The following GPR55 variants were observed in gnomAD, a reference collection of about 807,000 sequenced individuals.
The protein encoded by GPR55 is G-protein coupled receptor 55.
A neutral mutation model predicts 7.9 loss-of-function variants in GPR55; 6 were observed. The ratio of observed to expected loss-of-function variants is 0.76; its 90% CI spans 0.41 to 1.49. GPR55 has a LOEUF of 1.49. Ranked by LOEUF, GPR55 falls within the 40% of genes most tolerant of loss-of-function variation. The probability of loss-of-function intolerance (pLI) is 0.01; values close to 1 mark genes in which losing one functional copy is unlikely to be tolerated. For missense variants in GPR55, 376 were observed against 406.0 expected (o/e 0.93, Z 0.63); for synonymous variants, 183 against 166.8 (o/e 1.10, Z -0.75).
intron 1 of GPR55, among the ~76,000 whole-genome samples, chr2:230,955,374 G>T (rs542274501): frequency 1.7e-4 from 26 of 152,328 alleles, no homozygotes; most frequent in African/African-American, 6.0e-4. Flanking sequence ...GGGCACACGT[G>T]ACAGTGCATC....
At chr2:230,937,485 T>TA (rs1691149945) in intron 1 of GPR55, among the ~76,000 whole-genome samples, 1 of 151,508 alleles carries the variant, frequency 6.6e-6, no homozygotes, top group Non-Finnish European at 1.5e-5. Flanking sequence ...GCGTTAGGGA[T>TA]AAAAACCCTG....
chr2:230,926,682 CTTTTTTT>C (rs56318183), upstream of GPR55, among the ~76,000 whole-genome samples: 1 of 100,942 alleles, frequency 9.9e-6, no homozygotes, highest in Non-Finnish European at 1.9e-5. Context: ...TGGCTACCTT[CTTTTTTT>C]TTTTTTTTTT....
intron 1 of GPR55, among the ~76,000 whole-genome samples, chr2:230,911,607 G>T (rs928422063): frequency 9.9e-5 from 15 of 152,204 alleles, no homozygotes; most frequent in African/African-American, 3.6e-4. Context: ...CACAACTTTT[G>T]CTTGGGTTTC....
chr2:230,959,602 A>T (rs538442257), intron 1 of GPR55, among the ~76,000 whole-genome samples: 1 of 152,308 alleles, frequency 6.6e-6, no homozygotes, highest in Admixed American at 6.5e-5. Context: ...CAGACCTTTG[A>T]ACTCAGATGC....
intron 1 of GPR55, among the ~76,000 whole-genome samples, chr2:230,932,153 C>G (rs959995502): frequency 9.9e-5 from 15 of 152,216 alleles, no homozygotes; most frequent in African/African-American, 3.6e-4. Flanking sequence ...CAAAGGTACT[C>G]TGCTGCTTAG....
At position 230,909,192 on chromosome 2, in the gene GPR55, T is replaced by G. The variant is rs1229428073; in HGVS notation, c.*811A>C. On this transcript the variant is annotated 3_prime_UTR_variant, in exon 2 of 2. Coordinates refer to ENST00000650999, the MANE Select transcript of GPR55 (RefSeq NM_005683.4). ...CTTCACCCTGGGCCAGCACCAACACTCCGTGCTGTGGACACCCTGATGGTG... is the reference window on the plus strand; with the variant it reads ...CTTCACCCTGGGCCAGCACCAACACGCCGTGCTGTGGACACCCTGATGGTG... 1 of 152,390 alleles carries G rather than the reference T, an allele frequency of 6.6e-6. No individual in the cohort carries two copies. Among genetic ancestry groups the G allele is most frequent in the Admixed American group, 6.5e-5 (1 of 15,292 alleles). 9.4% of individuals were successfully genotyped at this position (152,390 alleles called of 1,614,324 possible).
In GPR55 at chr2:230,923,445, C is replaced by T. The variant is rs577400145; in HGVS notation, c.-135+1723G>A. ...AAAATGCCGCAGTTAGAATACACAGCGTATCCACCAGTAACACCATAGTGT... is the reference window on the plus strand; with the variant it reads ...AAAATGCCGCAGTTAGAATACACAGTGTATCCACCAGTAACACCATAGTGT... On this transcript the variant is annotated intron_variant, in intron 1 of 1. Transcript: ENST00000650999. The surrounding 1 kb of genome is among the most constrained non-coding windows in gnomAD (Gnocchi z 4.1). Among the ~76,000 whole-genome samples, 32 of 152,332 alleles carry T rather than the reference C, an allele frequency of 2.1e-4. No individual in the cohort carries two copies. Among genetic ancestry groups the T allele is most frequent in the Non-Finnish European group, 3.5e-4 (24 of 68,036 alleles).
chr2:230,915,701 C>T (rs1690696037), intron 1 of GPR55, among the ~76,000 whole-genome samples: 1 of 152,214 alleles, frequency 6.6e-6, no homozygotes, highest in Non-Finnish European at 1.5e-5. Flanking sequence ...GTTTAAATGT[C>T]ACCAAGATAC....
chr2:230,937,665 G>A (rs934822553), intron 1 of GPR55, among the ~76,000 whole-genome samples: 17 of 151,902 alleles, frequency 1.1e-4, no homozygotes, highest in Non-Finnish European at 1.6e-4. Context: ...ATGATAAATT[G>A]TGATTATTTG....
intron 1 of GPR55, chr2:230,957,495 T>C (rs1691509376): frequency 2.5e-5 from 9 of 354,452 alleles, no homozygotes; most frequent in South Asian, 1.8e-4. Context: ...ATTTAAAACT[T>C]GTGAATTTGG....
intron 1 of GPR55, among the ~76,000 whole-genome samples, chr2:230,954,648 A>C (rs1203008705): frequency 6.6e-6 from 1 of 152,180 alleles, no homozygotes; most frequent in South Asian, 2.1e-4. Flanking sequence ...TTATTTTCAA[A>C]TGTACAATTA....
chr2:230,943,127 G>C lies in GPR55; in HGVS notation c.-135+17648C>G, dbSNP rs114867516. Among the ~76,000 whole-genome samples the C allele has an allele frequency of 2.4e-3, 371 of 151,800 alleles. 1 individual carries two copies. The highest frequency in any genetic ancestry group is 7.0e-3 in the African/African-American group (289 of 41,396). On this transcript the variant is annotated intron_variant, in intron 1 of 1. Coordinates refer to the GPR55 transcript ENST00000392039. Reference sequence around the variant, plus strand: ...GAGAAAGAGAGAGAGAGGAGAGAGAGAGCGCTCTCTGTAGCACAACTGTGC... The same window carrying C: ...GAGAAAGAGAGAGAGAGGAGAGAGACAGCGCTCTCTGTAGCACAACTGTGC...
chr2:230,926,863 T>C (rs1226211339), upstream of GPR55, among the ~76,000 whole-genome samples: 1 of 151,772 alleles, frequency 6.6e-6, no homozygotes, highest in African/African-American at 2.4e-5. Flanking sequence ...CTAACTTTTT[T>C]CGTATTTTTA....
At chr2:230,947,456 C>T (rs187324853) in intron 1 of GPR55, among the ~76,000 whole-genome samples, 45 of 151,870 alleles carry the variant, frequency 3.0e-4, no homozygotes, top group African/African-American at 1.0e-3. Context: ...AAGCCCATCC[C>T]ATACTCTCCA....
At chr2:230,948,320 T>C (rs73095543) in intron 1 of GPR55, among the ~76,000 whole-genome samples, 49,682 of 151,776 alleles carry the variant, frequency 0.33, 8,447 homozygotes, top group East Asian at 0.49. Flanking sequence ...CCCCATCTCC[T>C]GACCTCTGGG....
At chr2:230,939,802 G>C (rs1016323352) in intron 1 of GPR55, among the ~76,000 whole-genome samples, 1 of 152,088 alleles carries the variant, frequency 6.6e-6, no homozygotes, top group African/African-American at 2.4e-5. Context: ...CCCCAGGCAC[G>C]ATGGGTGGAG....
At chr2:230,918,646 C>A (rs1014046756) in intron 1 of GPR55, among the ~76,000 whole-genome samples, 3 of 152,096 alleles carry the variant, frequency 2.0e-5, no homozygotes, top group East Asian at 3.8e-4. Flanking sequence ...AATATATATG[C>A]AAACATCCTA....
At chr2:230,930,674 A>G (rs74960541) in intron 1 of GPR55, among the ~76,000 whole-genome samples, 6,961 of 152,092 alleles carry the variant, frequency 0.046, 493 homozygotes, top group African/African-American at 0.15. Context: ...CATGTTTCCC[A>G]GGCTGGTCTC....
At chr2:230,931,231 T>C (rs750702253) in intron 1 of GPR55, among the ~76,000 whole-genome samples, 12 of 152,212 alleles carry the variant, frequency 7.9e-5, no homozygotes, top group Non-Finnish European at 1.3e-4. Context: ...GGAGACGTCA[T>C]TGCCAATGGT....
Sources: allele counts gnomAD v4.1 joint callset (sites outside exome capture counted in the v4.1 genomes callset), GRCh38; gene constraint gnomAD v4.1.1; non-coding constraint Gnocchi (gnomAD v3.1); transcripts MANE v1.5; gene names NCBI Gene and HGNC (gene_info 2026-07-23, HGNC 2026-07-21).